TMPRSS11D: variants seen among roughly 807,000 people sequenced by gnomAD.
The protein encoded by TMPRSS11D is transmembrane serine protease 11D, also known as transmembrane protease serine 11D.
Under a neutral mutation model 44.4 loss-of-function variants are expected in TMPRSS11D, and 32 were observed. That is an observed-to-expected ratio of 0.72 (90% CI 0.54 to 0.97). The LOEUF (loss-of-function observed/expected upper bound fraction) is 0.97. TMPRSS11D is among the 50% of genes least tolerant of loss of function. The pLI, the probability that TMPRSS11D is intolerant of heterozygous loss-of-function variation, is 0.00. For missense variants in TMPRSS11D, 446 were observed against 502.6 expected, an observed-to-expected ratio of 0.89 and a Z score of 1.08; for synonymous variants, 179 against 177.9, an observed-to-expected ratio of 1.01 and a Z score of -0.05.
At chr4:67,823,887 G>A (rs191314017) in intron 9 of TMPRSS11D, among the ~76,000 whole-genome samples, 15 of 152,198 alleles carry the variant, frequency 9.9e-5, no homozygotes, top group African/African-American at 3.6e-4. Flanking sequence ...GCAAGCAAAT[G>A]TTAAAGCAAG....
chr4:67,838,624 T>C lies in TMPRSS11D; in HGVS notation c.318-295A>G, dbSNP rs1423248651. ...TTATGTAAGTTTCTTAATCTTTCTA[T>C]ATCTAAGTTTCTTCACATGTAAAAT... On this transcript the variant is annotated intron_variant, in intron 4 of 9. Coordinates refer to ENST00000283916, the MANE Select transcript of TMPRSS11D (RefSeq NM_004262.3). Among the ~76,000 whole-genome samples the C allele has an allele frequency of 2.6e-5, 4 of 152,222 alleles. No individual in the cohort carries two copies. In the East Asian group the frequency reaches 5.8e-4, roughly 22 times the overall value.
chr4:67,828,738 A>T (rs1490572649), intron 7 of TMPRSS11D, among the ~76,000 whole-genome samples: 1 of 152,116 alleles, frequency 6.6e-6, no homozygotes, highest in Non-Finnish European at 1.5e-5. Flanking sequence ...TGGCTTTACT[A>T]ATACAATCTT....
chr4:67,879,471 C>CAA (rs58768044), intron 1 of TMPRSS11D, among the ~76,000 whole-genome samples: 11,742 of 108,422 alleles, frequency 0.11, 843 homozygotes, highest in African/African-American at 0.19. Context: ...GACTCCTTCT[C>CAA]AAAAAAAAAA....
intron 4 of TMPRSS11D, 42 bp downstream of exon 4, chr4:67,842,516 A>G (rs372293500): frequency 6.6e-7 from 1 of 1,523,722 alleles, no homozygotes; most frequent in Non-Finnish European, 9.1e-7. Flanking sequence ...AGTATGCCAC[A>G]TTGTATCTAT....
chr4:67,831,017 T>C (rs1283161262), intron 7 of TMPRSS11D, among the ~76,000 whole-genome samples: 1 of 152,122 alleles, frequency 6.6e-6, no homozygotes, highest in Non-Finnish European at 1.5e-5. Context: ...AACAAGCCAT[T>C]GTTAAGTGTC....
rs1374330358 is a variant in TMPRSS11D, at chr4:67,822,343, C to T, written c.1251G>A (p.Gly417=). The T allele has an allele frequency of 6.2e-7, 1 of 1,613,558 alleles. No individual in the cohort carries two copies. Among genetic ancestry groups the T allele is most frequent in the South Asian group, 1.1e-5 (1 of 91,054 alleles). Residue 417 remains glycine, a synonymous_variant, in exon 10 of 10, where the codon GGG becomes GGA. Transcript: ENST00000283916. The part of the protein sequence containing the change: ...AYLDWIRQQT[G]I ...CAGGGATGCACTTGTTGCACTAGAT[C>T]CCAGTTTGTTGCCTAATCCAGTCAA...
intron 2 of TMPRSS11D, among the ~76,000 whole-genome samples, chr4:67,859,193 T>G (rs1288085878): frequency 2.0e-5 from 3 of 152,102 alleles, no homozygotes; most frequent in African/African-American, 4.8e-5. Flanking sequence ...TATGATTTTA[T>G]CAGGTTATCA....
At position 67,871,942 on chromosome 4, in the gene TMPRSS11D, C is replaced by T. The variant is rs558389294; in HGVS notation, c.8+11984G>A. Among the ~76,000 whole-genome samples, 3 of 152,126 alleles carry T rather than the reference C, an allele frequency of 2.0e-5. No individual in the cohort carries two copies. The South Asian group carries it at 6.2e-4, about 32-fold the overall frequency. ...TGTTGGGAGCAATACTTTGTTGACT[C>T]TACTGGTGTTTAAGAACATGTACTG... On this transcript the variant is annotated intron_variant, in intron 1 of 9. Transcript: ENST00000283916.
At chr4:67,859,404 A>T (rs1386665757) in intron 2 of TMPRSS11D, among the ~76,000 whole-genome samples, 153 bp downstream of exon 2, 1 of 152,104 alleles carries the variant, frequency 6.6e-6, no homozygotes, top group African/African-American at 2.4e-5. Context: ...AAATACAGAT[A>T]TGCATCTATA....
intron 7 of TMPRSS11D, among the ~76,000 whole-genome samples, chr4:67,828,699 T>C (rs1717867084): frequency 6.6e-6 from 1 of 152,142 alleles, no homozygotes; most frequent in African/African-American, 2.4e-5. Context: ...GAAGTATTTC[T>C]TTGAAGAATT....
chr4:67,821,116 T>C lies in TMPRSS11D; in HGVS notation c.*1221A>G, dbSNP rs1179808339. ...GGAAGCTCTGACGCATAGATGATCATGCATAGGCAAACTTTAGCTGTACTA... is the reference window on the plus strand; with the variant it reads ...GGAAGCTCTGACGCATAGATGATCACGCATAGGCAAACTTTAGCTGTACTA... On this transcript the variant is annotated 3_prime_UTR_variant, in exon 10 of 10. Coordinates refer to ENST00000283916, the MANE Select transcript of TMPRSS11D (RefSeq NM_004262.3). The C allele has an allele frequency of 6.6e-6, 1 of 152,236 alleles. No individual in the cohort carries two copies. Among genetic ancestry groups the C allele is most frequent in the African/African-American group, 2.4e-5 (1 of 41,460 alleles). 9.4% of individuals were successfully genotyped at this position (152,236 alleles called of 1,614,324 possible). A position where few individuals can be genotyped will look rare whatever the true frequency, so the allele number is the denominator to read the frequency against.
rs1185603419 is a variant in TMPRSS11D, at chr4:67,829,534, TAGAA to T, written c.693-2018_693-2015del. The stretch of plus-strand genomic sequence containing the variant: ...AAAAACACAAACTAAAAGGTAAAAA[TAGAA>T]TGAATTCTATTAAATCAAAATTAGA... On this transcript the variant is annotated intron_variant, in intron 7 of 9. Coordinates refer to ENST00000283916, the MANE Select transcript of TMPRSS11D (RefSeq NM_004262.3). Among the ~76,000 whole-genome samples, 7 of 150,904 alleles carry T rather than the reference TAGAA, an allele frequency of 4.6e-5. No homozygotes were observed. In the East Asian group the frequency reaches 1.4e-3, roughly 29 times the overall value.
chr4:67,874,209 G>A (rs1356408584), intron 1 of TMPRSS11D, among the ~76,000 whole-genome samples: 2 of 152,104 alleles, frequency 1.3e-5, no homozygotes, highest in Non-Finnish European at 2.9e-5. Flanking sequence ...GTGCATGTAA[G>A]TATACTCTAT....
chr4:67,859,745 A>G, intron 1 of TMPRSS11D, 67 bp from the exon 2 acceptor site: 1 of 1,585,508 alleles, frequency 6.3e-7, no homozygotes, highest in Non-Finnish European at 8.6e-7. Flanking sequence ...TTTAGTGTTC[A>G]TGATTGTCTT....
At chr4:67,840,209 A>C (rs902395781) in intron 4 of TMPRSS11D, among the ~76,000 whole-genome samples, 24 of 152,146 alleles carry the variant, frequency 1.6e-4, no homozygotes, top group African/African-American at 5.8e-4. Flanking sequence ...TGGGTAATTT[A>C]CAAAGAAAAG....
At chr4:67,882,405 C>T (rs1230913357) in intron 1 of TMPRSS11D, among the ~76,000 whole-genome samples, 1 of 151,994 alleles carries the variant, frequency 6.6e-6, no homozygotes, top group Non-Finnish European at 1.5e-5. Flanking sequence ...CCTTAGAAAC[C>T]AAAATTCCAC....
intron 3 of TMPRSS11D, among the ~76,000 whole-genome samples, chr4:67,851,697 T>G (rs1019733480): frequency 6.6e-6 from 1 of 151,226 alleles, no homozygotes; most frequent in African/African-American, 2.4e-5. Flanking sequence ...CACAGTGAAC[T>G]TTTGTCTCCC....
intron 1 of TMPRSS11D, among the ~76,000 whole-genome samples, chr4:67,876,337 T>C (rs1020522095): frequency 1.3e-5 from 2 of 152,162 alleles, no homozygotes; most frequent in South Asian, 2.1e-4. Context: ...CTGTTGTATG[T>C]TCAATAAATT....
intron 1 of TMPRSS11D, among the ~76,000 whole-genome samples, chr4:67,862,780 C>A (rs1718821572): frequency 6.6e-6 from 1 of 151,992 alleles, no homozygotes; most frequent in Admixed American, 6.6e-5. Context: ...AGCTGGAAAC[C>A]ATCATTCTCA....
Sources: gnomAD v4.1 joint callset for allele counts (sites outside exome capture counted in the v4.1 genomes callset) on GRCh38, gnomAD v4.1.1 for gene constraint, MANE v1.5 for transcripts, NCBI Gene and HGNC (gene_info 2026-07-23, HGNC 2026-07-21) for gene names.